Variants in SLC35F3 observed in about 807,000 individuals in gnomAD.
SLC35F3 encodes the protein solute carrier family 35 member F3.
In SLC35F3, 25 loss-of-function variants were observed where a neutral mutation model predicts 49.9. That is an observed-to-expected ratio of 0.50 (90% CI 0.37 to 0.70). The LOEUF (loss-of-function observed/expected upper bound fraction) is 0.70, where lower values mean the gene tolerates loss of function less well. SLC35F3 is among the 30% of genes least tolerant of loss of function. The pLI, the probability that SLC35F3 is intolerant of heterozygous loss-of-function variation, is 0.00. For synonymous variants in SLC35F3, 275 were observed against 265.4 expected (o/e 1.04, Z -0.35); for missense variants, 525 against 639.8 (o/e 0.82, Z 1.94).
intron 2 of SLC35F3, among the ~76,000 whole-genome samples, chr1:234,054,443 C>T (rs976564591): frequency 6.6e-6 from 1 of 152,204 alleles, no homozygotes; most frequent in Non-Finnish European, 1.5e-5. Context: ...GCTACTGAAG[C>T]TTGTGCATGC....
intron 2 of SLC35F3, among the ~76,000 whole-genome samples, chr1:234,192,613 CAAAT>C (rs569263130): frequency 2.8e-4 from 42 of 152,154 alleles, no homozygotes; most frequent in Non-Finnish European, 5.2e-4. Flanking sequence ...ACAAGAGAAA[CAAAT>C]AAAGGACATC....
intron 2 of SLC35F3, among the ~76,000 whole-genome samples, chr1:234,201,127 C>T (rs1572092359): frequency 6.6e-6 from 1 of 152,288 alleles, no homozygotes; most frequent in East Asian, 1.9e-4. Context: ...AGGAGAGGCC[C>T]CATGGCTCAT....
intron 2 of SLC35F3, among the ~76,000 whole-genome samples, chr1:233,980,337 A>C (rs1663162980): frequency 1.3e-5 from 2 of 152,216 alleles, no homozygotes; most frequent in African/African-American, 4.8e-5. Context: ...GATGATGCCA[A>C]CGACAATGAT....
chr1:234,008,781 C>A (rs932596091), intron 2 of SLC35F3, among the ~76,000 whole-genome samples: 3 of 152,202 alleles, frequency 2.0e-5, no homozygotes, highest in African/African-American at 7.2e-5. Context: ...GGCTGTCACC[C>A]AGCCCCTCAG....
intron 2 of SLC35F3, among the ~76,000 whole-genome samples, chr1:234,134,021 G>A (rs576448235): frequency 1.3e-5 from 2 of 152,252 alleles, no homozygotes; most frequent in Admixed American, 6.5e-5. Flanking sequence ...TCCATAAAGC[G>A]TATAGACCAT....
At chr1:234,265,918 G>A (rs1667970784) in intron 3 of SLC35F3, among the ~76,000 whole-genome samples, 2 of 151,968 alleles carry the variant, frequency 1.3e-5, no homozygotes, top group African/African-American at 2.4e-5. Context: ...CTTCCTCCAT[G>A]GCTCTTCCCA....
chr1:233,969,117 A>G (rs1662951076), intron 2 of SLC35F3, among the ~76,000 whole-genome samples: 1 of 152,112 alleles, frequency 6.6e-6, no homozygotes, highest in Non-Finnish European at 1.5e-5. Flanking sequence ...CAGCCAAGCA[A>G]AGTTTACAAA....
intron 2 of SLC35F3, among the ~76,000 whole-genome samples, chr1:233,918,812 C>CTA (rs1662013944): frequency 2.3e-5 from 1 of 44,268 alleles, no homozygotes; most frequent in African/African-American, 4.0e-5. Flanking sequence ...CTCTCTCTCT[C>CTA]TCTCTATATA....
intron 2 of SLC35F3, among the ~76,000 whole-genome samples, chr1:234,230,177 G>C (rs992214974): frequency 3.3e-5 from 5 of 152,218 alleles, no homozygotes; most frequent in South Asian, 2.1e-4. Context: ...ACCATGTAAT[G>C]CTTCGGTTTA....
At chr1:234,082,805 C>T (rs1364417451) in intron 2 of SLC35F3, among the ~76,000 whole-genome samples, 1 of 152,100 alleles carries the variant, frequency 6.6e-6, no homozygotes, top group Non-Finnish European at 1.5e-5. Flanking sequence ...ACATATTCAC[C>T]ACCAGGAGAA....
At chr1:234,014,995 C>T (rs1663779863) in intron 2 of SLC35F3, among the ~76,000 whole-genome samples, 1 of 152,078 alleles carries the variant, frequency 6.6e-6, no homozygotes, top group Non-Finnish European at 1.5e-5. Flanking sequence ...AATATAGAAT[C>T]ACAAAAAATC....
At chr1:233,910,219 T>C (rs1661852649) in intron 2 of SLC35F3, among the ~76,000 whole-genome samples, 1 of 152,228 alleles carries the variant, frequency 6.6e-6, no homozygotes, top group African/African-American at 2.4e-5. Flanking sequence ...TTTTCCTTTC[T>C]CATTTCTCTG....
intron 2 of SLC35F3, among the ~76,000 whole-genome samples, chr1:234,026,118 CT>C (rs1663974610): frequency 6.6e-6 from 1 of 152,028 alleles, no homozygotes; most frequent in Non-Finnish European, 1.5e-5. Context: ...AGGTGTAGGG[CT>C]TTATTTCTGG....
In SLC35F3 at chr1:234,231,861, T is replaced by A; in HGVS notation, c.608+120T>A. 1 of 970,964 alleles carries A rather than the reference T, an allele frequency of 1.0e-6. No individual in the cohort carries two copies. The highest frequency in any genetic ancestry group is 1.6e-6 in the Non-Finnish European group (1 of 642,490). 60.1% of individuals were successfully genotyped at this position (970,964 alleles called of 1,614,324 possible). A position where few individuals can be genotyped will look rare whatever the true frequency, so the allele number is the denominator to read the frequency against. The stretch of plus-strand genomic sequence containing the variant: ...GAGCCGGTGGGAGCCCGTGGAGAGA[T>A]GTTGCAGTGAATGCACCTGCTCTCA... On this transcript the variant is annotated intron_variant, in intron 3 of 7. Coordinates refer to ENST00000366618, the MANE Select transcript of SLC35F3 (RefSeq NM_173508.4). The surrounding 1 kb of genome is among the most constrained non-coding windows in gnomAD (Gnocchi z 5.4).
intron 2 of SLC35F3, among the ~76,000 whole-genome samples, chr1:234,110,178 G>A (rs1665385778): frequency 6.6e-6 from 1 of 152,204 alleles, no homozygotes; most frequent in Non-Finnish European, 1.5e-5. Context: ...GCATCAGTTT[G>A]TAGGTTGAAT....
In SLC35F3 at chr1:234,028,181, C is replaced by T. The variant is rs567929613; in HGVS notation, c.283+122423C>T. Among the ~76,000 whole-genome samples, 8 of 152,282 alleles carry T rather than the reference C, an allele frequency of 5.3e-5. No individual in the cohort carries two copies. The South Asian group carries it at 1.7e-3, about 32-fold the overall frequency. ...AGACCTACAAGCAGAGGGTCTTGGT[C>T]AAGGCTCCAGGGCCCATCTTCCACC... On this transcript the variant is annotated intron_variant, in intron 2 of 7. Coordinates refer to ENST00000366618, the MANE Select transcript of SLC35F3 (RefSeq NM_173508.4).
intron 3 of SLC35F3, among the ~76,000 whole-genome samples, chr1:234,258,179 AGGGAATG>A (rs1245127802): frequency 1.3e-5 from 2 of 152,188 alleles, no homozygotes; most frequent in African/African-American, 4.8e-5. Context: ...GCAAGGGTTT[AGGGAATG>A]GGGAATGCTG....
rs373915572 is a variant in SLC35F3 at position 234,282,794 on chromosome 1, C to T, written c.609-26307C>T. Among the ~76,000 whole-genome samples, 4 of 152,322 alleles carry T rather than the reference C, an allele frequency of 2.6e-5. No homozygotes were observed. The East Asian group carries it at 5.8e-4, about 22-fold the overall frequency. On this transcript the variant is annotated intron_variant, in intron 3 of 7. Coordinates refer to ENST00000366618, the MANE Select transcript of SLC35F3 (RefSeq NM_173508.4). ...CATTGGCATGGGTTGTTCTTGTACG[C>T]ACATTGTGTTAACGGTTGCAGTGTG...
chr1:234,318,991 A>G (rs1400385416), intron 6 of SLC35F3, 48 bp downstream of exon 6: 1 of 1,515,936 alleles, frequency 6.6e-7, no homozygotes, highest in Non-Finnish European at 9.0e-7. Flanking sequence ...AACCACCCAC[A>G]GAGGACCCTC....
Sources: gnomAD v4.1 joint callset for allele counts (sites outside exome capture counted in the v4.1 genomes callset) on GRCh38, gnomAD v4.1.1 for gene constraint, Gnocchi (gnomAD v3.1) non-coding constraint, MANE v1.5 for transcripts, NCBI Gene and HGNC (gene_info 2026-07-23, HGNC 2026-07-21) for gene names.